The following GRIA1 variants were observed in gnomAD, a reference collection of about 807,000 sequenced individuals.
The protein encoded by GRIA1 is glutamate ionotropic receptor AMPA type subunit 1, also known as glutamate receptor 1.
GRIA1 carries 31 observed loss-of-function variants against 99.2 expected under a neutral mutation model. That is an observed-to-expected ratio of 0.31 (90% CI 0.23 to 0.42). The LOEUF (loss-of-function observed/expected upper bound fraction) is 0.42. Ranked by LOEUF, GRIA1 falls within the 10% of genes least tolerant of loss-of-function variation. GRIA1 has a pLI of 1.00. For synonymous variants in GRIA1, 438 were observed against 432.4 expected (o/e 1.01, Z -0.16); for missense variants, 782 against 1,157.5 (o/e 0.68, Z 4.71).
intron 2 of GRIA1, among the ~76,000 whole-genome samples, chr5:153,623,075 C>T (rs1767216967): frequency 6.6e-6 from 1 of 152,212 alleles, no homozygotes; most frequent in Admixed American, 6.5e-5. Context: ...GATTTGAACT[C>T]AGGTTGGTTT....
chr5:153,713,276 G>T (rs1233232691), intron 11 of GRIA1, among the ~76,000 whole-genome samples: 1 of 152,182 alleles, frequency 6.6e-6, no homozygotes, highest in Non-Finnish European at 1.5e-5. Context: ...CTTACCAAGG[G>T]TTTCACCAGC....
intron 13 of GRIA1, among the ~76,000 whole-genome samples, chr5:153,782,933 A>C (rs1299517106): frequency 6.6e-6 from 1 of 152,344 alleles, no homozygotes; most frequent in East Asian, 1.9e-4. Context: ...CCCATTATAA[A>C]TGAGAGATAC....
At chr5:153,664,163 A>C (rs988485224) in intron 5 of GRIA1, among the ~76,000 whole-genome samples, 3 of 152,168 alleles carry the variant, frequency 2.0e-5, no homozygotes, top group African/African-American at 7.2e-5. Flanking sequence ...ATACAATGGG[A>C]GGGAAATGGA....
At chr5:153,601,226 G>C (rs1561678630) in intron 2 of GRIA1, among the ~76,000 whole-genome samples, 1 of 152,150 alleles carries the variant, frequency 6.6e-6, no homozygotes. Flanking sequence ...TTACAAGCAA[G>C]AAGCCAAAAC....
intron 13 of GRIA1, among the ~76,000 whole-genome samples, chr5:153,779,679 C>T (rs1404379945): frequency 1.3e-5 from 2 of 152,200 alleles, no homozygotes; most frequent in Admixed American, 1.3e-4. Context: ...TCTCCTGCCT[C>T]AGCCTCCCGA....
chr5:153,747,798 T>A (rs1762256896), intron 11 of GRIA1, among the ~76,000 whole-genome samples: 1 of 152,208 alleles, frequency 6.6e-6, no homozygotes, highest in Non-Finnish European at 1.5e-5. Context: ...CTTTCCCACC[T>A]CTGCATGTCC....
intron 2 of GRIA1, among the ~76,000 whole-genome samples, chr5:153,638,251 G>C (rs1753530716): frequency 1.3e-5 from 2 of 152,190 alleles, no homozygotes; most frequent in Non-Finnish European, 2.9e-5. Context: ...CTATTCCACA[G>C]TGTCTAGCCC....
intron 2 of GRIA1, among the ~76,000 whole-genome samples, chr5:153,560,485 A>C (rs1761025215): frequency 6.6e-6 from 1 of 152,110 alleles, no homozygotes; most frequent in East Asian, 1.9e-4. Context: ...GTGGGAGGTA[A>C]TTAAATCATG....
At chr5:153,578,671 G>T (rs2149372223) in intron 2 of GRIA1, among the ~76,000 whole-genome samples, 1 of 152,336 alleles carries the variant, frequency 6.6e-6, no homozygotes, top group Admixed American at 6.5e-5. Flanking sequence ...CACTTTGGGA[G>T]CCCAAGGCGG....
intron 2 of GRIA1, among the ~76,000 whole-genome samples, chr5:153,552,104 G>T (rs946932890): frequency 6.6e-6 from 1 of 151,960 alleles, no homozygotes; most frequent in Non-Finnish European, 1.5e-5. Flanking sequence ...GTCCCAAACT[G>T]GTGTTCTATG....
intron 7 of GRIA1, among the ~76,000 whole-genome samples, chr5:153,679,577 T>G (rs1756830824): frequency 6.6e-6 from 1 of 152,250 alleles, no homozygotes; most frequent in African/African-American, 2.4e-5. Context: ...CAGGGGCCCT[T>G]GCTTATAAGC....
intron 13 of GRIA1, among the ~76,000 whole-genome samples, chr5:153,774,293 A>G (rs1764080126): frequency 6.6e-6 from 1 of 152,118 alleles, no homozygotes; most frequent in African/African-American, 2.4e-5. Flanking sequence ...AGAAGAGTAA[A>G]GACATTTGTG....
intron 11 of GRIA1, among the ~76,000 whole-genome samples, chr5:153,711,123 G>T (rs1252393399): frequency 2.0e-5 from 3 of 152,158 alleles, no homozygotes; most frequent in Non-Finnish European, 2.9e-5. Flanking sequence ...AAGAAGCAGA[G>T]GCCTGCGCAG....
intron 4 of GRIA1, among the ~76,000 whole-genome samples, chr5:153,651,615 G>A (rs1168384224): frequency 6.6e-6 from 1 of 152,170 alleles, no homozygotes; most frequent in Non-Finnish European, 1.5e-5. Context: ...GACCCCTGGG[G>A]CCCTCACAGA....
intron 5 of GRIA1, among the ~76,000 whole-genome samples, chr5:153,656,259 A>G (rs1754940338): frequency 2.6e-5 from 4 of 151,964 alleles, no homozygotes; most frequent in African/African-American, 9.7e-5. Context: ...CTTCTTATAA[A>G]TACATTTACA....
At chr5:153,545,170 G>A (rs759629252) in intron 2 of GRIA1, among the ~76,000 whole-genome samples, 8 of 152,150 alleles carry the variant, frequency 5.3e-5, no homozygotes, top group East Asian at 1.9e-4. Context: ...GTAGTCAAAC[G>A]GAAAGGCATT....
chr5:153,540,325 C>G (rs1239312191), intron 2 of GRIA1, among the ~76,000 whole-genome samples: 1 of 152,204 alleles, frequency 6.6e-6, no homozygotes, highest in Non-Finnish European at 1.5e-5. Context: ...GAAACTACAG[C>G]AGGGTCTGGC....
chr5:153,674,464 G>T (rs1283297691), intron 5 of GRIA1, 36 bp from the exon 6 acceptor site: 1 of 1,611,784 alleles, frequency 6.2e-7, no homozygotes, highest in Middle Eastern at 1.7e-4. Flanking sequence ...TATCCAGGCA[G>T]CATGTTCTAA....
At chr5:153,751,872 C>A (rs1376719696) in intron 11 of GRIA1, among the ~76,000 whole-genome samples, 1 of 152,220 alleles carries the variant, frequency 6.6e-6, no homozygotes. Flanking sequence ...GCTTCCAGCA[C>A]CTTACTCCCA....
Sources: gnomAD v4.1 joint callset for allele counts (sites outside exome capture counted in the v4.1 genomes callset) on GRCh38, gnomAD v4.1.1 for gene constraint, MANE v1.5 for transcripts, NCBI Gene and HGNC (gene_info 2026-07-23, HGNC 2026-07-21) for gene names.